LSAMP: variants seen among roughly 807,000 people sequenced by gnomAD.
The protein encoded by LSAMP is limbic system associated membrane protein.
A neutral mutation model predicts 38.6 loss-of-function variants in LSAMP; 7 were observed. That is an observed-to-expected ratio of 0.18 (90% CI 0.10 to 0.34). The LOEUF is 0.34. Ranked by LOEUF, LSAMP falls within the 10% of genes least tolerant of loss-of-function variation. LSAMP has a pLI of 1.00. For synonymous variants in LSAMP, 154 were observed against 166.8 expected, an observed-to-expected ratio of 0.92 and a Z score of 0.59; for missense variants, 313 against 420.0, an observed-to-expected ratio of 0.75 and a Z score of 2.23.
intron 1 of LSAMP, among the ~76,000 whole-genome samples, chr3:116,142,028 A>G (rs1390481158): frequency 6.6e-6 from 1 of 151,988 alleles, no homozygotes; most frequent in Non-Finnish European, 1.5e-5. Flanking sequence ...TACAATCTGG[A>G]TTTCCTCAGT....
At chr3:115,911,516 T>C (rs1485266891) in intron 3 of LSAMP, among the ~76,000 whole-genome samples, 1 of 152,106 alleles carries the variant, frequency 6.6e-6, no homozygotes, top group East Asian at 1.9e-4. Context: ...CACGCCTGGC[T>C]AATTTTTTGT....
intron 1 of LSAMP, among the ~76,000 whole-genome samples, chr3:116,150,606 G>T (rs1457140626): frequency 6.6e-6 from 1 of 151,924 alleles, no homozygotes. Context: ...AGGAGTTGAA[G>T]TCTGAATGGG....
intron 3 of LSAMP, among the ~76,000 whole-genome samples, chr3:115,860,338 G>A (rs939258457): frequency 5.9e-5 from 9 of 152,212 alleles, no homozygotes; most frequent in Admixed American, 1.3e-4. Flanking sequence ...GTCTGTGGAC[G>A]TTTGGGACTC....
chr3:116,108,469 C>A (rs535520119), intron 1 of LSAMP, among the ~76,000 whole-genome samples: 54 of 152,096 alleles, frequency 3.6e-4, no homozygotes, highest in Non-Finnish European at 6.5e-4. Context: ...GAGTGGGTAG[C>A]CTCCATATTG....
intron 1 of LSAMP, among the ~76,000 whole-genome samples, chr3:116,235,154 ATTAT>A (rs143511600): frequency 0.72 from 108,610 of 151,152 alleles, 40,513 homozygotes; most frequent in South Asian, 0.84. Flanking sequence ...TATTAACTTT[ATTAT>A]TTATTTATTA....
At chr3:116,174,952 G>T (rs536005088) in intron 1 of LSAMP, among the ~76,000 whole-genome samples, 1 of 151,950 alleles carries the variant, frequency 6.6e-6, no homozygotes, top group East Asian at 1.9e-4. Flanking sequence ...TCTCACTTTT[G>T]TGCACTGGCT....
At chr3:116,295,291 G>T (rs2047316552) in intron 1 of LSAMP, among the ~76,000 whole-genome samples, 1 of 152,260 alleles carries the variant, frequency 6.6e-6, no homozygotes, top group Middle Eastern at 3.4e-3. Context: ...TTTTCTATCT[G>T]CAAGAACTTC....
chr3:116,233,992 T>G (rs1404660247), intron 1 of LSAMP, among the ~76,000 whole-genome samples: 1 of 152,190 alleles, frequency 6.6e-6, no homozygotes, highest in East Asian at 1.9e-4. Context: ...GGACTTAAAA[T>G]CTGGTTCAAG....
intron 1 of LSAMP, among the ~76,000 whole-genome samples, chr3:116,372,075 A>G (rs2048436910): frequency 2.0e-5 from 3 of 152,016 alleles, no homozygotes; most frequent in African/African-American, 7.2e-5. Flanking sequence ...TTGAAAGACA[A>G]CACTATTAAG....
At chr3:116,259,161 T>C (rs1419246098) in intron 1 of LSAMP, among the ~76,000 whole-genome samples, 1 of 152,168 alleles carries the variant, frequency 6.6e-6, no homozygotes, top group East Asian at 1.9e-4. Context: ...AGTCAGCTGT[T>C]AGATTTTCAC....
At position 115,956,875 on chromosome 3, in the gene LSAMP, C is replaced by T. The variant is rs1406824704; in HGVS notation, c.514+62640G>A. 3.3e-5 allele frequency among the ~76,000 whole-genome samples: 5 copies of T among 152,164 alleles called. No homozygotes were observed. In the South Asian group the frequency reaches 1.0e-3, roughly 32 times the overall value. On this transcript the variant is annotated intron_variant, in intron 3 of 6. Transcript: ENST00000490035. ...GATTTAGGATCTTCATCTCTTCAGC[C>T]CTAATCTCCCCTTACAGGCTTCTTG...
intron 1 of LSAMP, among the ~76,000 whole-genome samples, chr3:116,362,670 A>T (rs146278999): frequency 1.0e-5 from 1 of 97,448 alleles, no homozygotes; most frequent in Non-Finnish European, 1.9e-5. Flanking sequence ...CTCTCAGACC[A>T]CAGTGCAATC....
chr3:116,072,254 C>T (rs929264463), intron 2 of LSAMP, among the ~76,000 whole-genome samples: 3 of 152,150 alleles, frequency 2.0e-5, no homozygotes, highest in Non-Finnish European at 1.5e-5. Flanking sequence ...GGATTACAGG[C>T]GTGAGCCACC....
chr3:116,401,771 T>C (rs1259035525), intron 1 of LSAMP, among the ~76,000 whole-genome samples: 1 of 152,224 alleles, frequency 6.6e-6, no homozygotes, highest in Non-Finnish European at 1.5e-5. Context: ...TAAGGCTATA[T>C]ATGTTCTGTC....
At chr3:116,295,974 ATAAAACACTCAT>A (rs1401850210) in intron 1 of LSAMP, among the ~76,000 whole-genome samples, 1 of 152,196 alleles carries the variant, frequency 6.6e-6, no homozygotes, top group Non-Finnish European at 1.5e-5. Flanking sequence ...CTAGGTTATA[ATAAAACACTCAT>A]TCCCGCTAAG....
At chr3:116,286,429 C>T (rs1413796215) in intron 1 of LSAMP, among the ~76,000 whole-genome samples, 3 of 152,120 alleles carry the variant, frequency 2.0e-5, no homozygotes, top group African/African-American at 7.2e-5. Flanking sequence ...TTGACTACTC[C>T]AGATTTGTCT....
At chr3:115,882,817 A>G (rs776900807) in intron 3 of LSAMP, among the ~76,000 whole-genome samples, 5 of 151,966 alleles carry the variant, frequency 3.3e-5, no homozygotes, top group East Asian at 1.9e-4. Flanking sequence ...ACCTGTTTTT[A>G]TGGTTGTAAC....
chr3:116,207,125 T>C (rs554947874), intron 1 of LSAMP, among the ~76,000 whole-genome samples: 1 of 151,674 alleles, frequency 6.6e-6, no homozygotes, highest in Non-Finnish European at 1.5e-5. Flanking sequence ...TAGTTAGCTC[T>C]TCTTGTTGAA....
intron 3 of LSAMP, among the ~76,000 whole-genome samples, chr3:115,994,214 A>G (rs1204670515): frequency 1.3e-5 from 2 of 152,046 alleles, no homozygotes; most frequent in Non-Finnish European, 2.9e-5. Context: ...GGGAAACAAT[A>G]ACCAAATAAA....
Sources: allele counts gnomAD v4.1 joint callset (sites outside exome capture counted in the v4.1 genomes callset), GRCh38; gene constraint gnomAD v4.1.1; transcripts MANE v1.5; gene names NCBI Gene and HGNC (gene_info 2026-07-23, HGNC 2026-07-21).